LINGO2: variants seen among roughly 807,000 people sequenced by gnomAD.
LINGO2 encodes the protein leucine-rich repeat and immunoglobulin-like domain-containing nogo receptor-interacting protein 2.
A neutral mutation model predicts 30.6 loss-of-function variants in LINGO2; 14 were observed. The observed-to-expected ratio is 0.46, with a 90% CI of 0.30 to 0.72. LINGO2 has a LOEUF of 0.72. LINGO2 is among the 30% of genes least tolerant of loss of function. The probability of loss-of-function intolerance (pLI) is 0.07; values close to 1 mark genes in which losing one functional copy is unlikely to be tolerated. For missense variants in LINGO2, 729 were observed against 751.7 expected (o/e 0.97, Z 0.35); for synonymous variants, 317 against 288.5 (o/e 1.10, Z -1.00).
intron 1 of LINGO2, among the ~76,000 whole-genome samples, chr9:28,498,326 A>T (rs1819740912): frequency 1.3e-5 from 2 of 152,104 alleles, no homozygotes; most frequent in African/African-American, 4.8e-5. Context: ...CTTCCTGGCC[A>T]CTTTGTTTAC....
rs72709324 is a variant in LINGO2, at chr9:28,239,878, G to T, written c.-87+55330C>A. Among the ~76,000 whole-genome samples the T allele has an allele frequency of 7.7e-3, 1,168 of 152,078 alleles. 7 individuals are homozygous for T. The highest frequency in any genetic ancestry group is 0.027 in the Middle Eastern group (8 of 294). ...TGCAGATGATATGATCTTATACTTG[G>T]AAAAACCAAAAGATTCTACAAGAAA... On this transcript the variant is annotated intron_variant, in intron 4 of 5. Transcript: ENST00000379992.
chr9:29,102,255 G>C, the LINGO2 span, among the ~76,000 whole-genome samples: 998 of 151,998 alleles, frequency 6.6e-3, 17 homozygotes, highest in African/African-American at 0.023. Context: ...CTAATTTTTT[G>C]TATTTTTAGT....
the LINGO2 span, among the ~76,000 whole-genome samples, chr9:28,993,798 C>T: frequency 1.3e-5 from 2 of 151,748 alleles, no homozygotes; most frequent in East Asian, 3.9e-4. Context: ...GCAAAAAAGG[C>T]CTTGGAGAAA....
chr9:28,041,495 T>C (rs1050953460), intron 4 of LINGO2, among the ~76,000 whole-genome samples: 6 of 152,166 alleles, frequency 3.9e-5, no homozygotes, highest in Non-Finnish European at 8.8e-5. Context: ...TATGTGTGCG[T>C]GTGTAGTTAA....
chr9:28,599,759 A>G (rs1340253842), intron 1 of LINGO2, among the ~76,000 whole-genome samples: 1 of 152,182 alleles, frequency 6.6e-6, no homozygotes, highest in Non-Finnish European at 1.5e-5. Context: ...ATAAAAATGT[A>G]TACTCAACTG....
At chr9:28,951,477 C>A in the LINGO2 span, among the ~76,000 whole-genome samples, 5 of 152,084 alleles carry the variant, frequency 3.3e-5, no homozygotes, top group African/African-American at 4.8e-5. Context: ...AATCATCCTG[C>A]ACCCTGTCAG....
At chr9:28,580,065 C>A (rs2135644758) in intron 1 of LINGO2, among the ~76,000 whole-genome samples, 1 of 152,128 alleles carries the variant, frequency 6.6e-6, no homozygotes, top group East Asian at 1.9e-4. Flanking sequence ...ATTGCTATAG[C>A]AAAAGAAGCA....
chr9:28,406,452 C>T (rs1175933253), intron 2 of LINGO2, among the ~76,000 whole-genome samples: 1 of 152,136 alleles, frequency 6.6e-6, no homozygotes, highest in Non-Finnish European at 1.5e-5. Flanking sequence ...TTGCTACTAC[C>T]TGTCAATCTT....
At position 27,992,101 on chromosome 9, in the gene LINGO2, T is replaced by C. The variant is rs1821426358; in HGVS notation, c.-36+20254A>G. ...CAGGTGTTAATGACAAAGGTGTTAA[T>C]GACAACACTGCAGGCTGTGGCCCCC... On this transcript the variant is annotated intron_variant, in intron 5 of 5. Coordinates refer to ENST00000379992, the Ensembl canonical transcript of LINGO2. 2.0e-5 allele frequency among the ~76,000 whole-genome samples: 3 copies of C among 152,096 alleles called. No homozygotes were observed. The South Asian group carries it at 6.2e-4, about 32-fold the overall frequency.
At chr9:28,258,843 G>C (rs1331077584) in intron 4 of LINGO2, among the ~76,000 whole-genome samples, 1 of 151,588 alleles carries the variant, frequency 6.6e-6, no homozygotes, top group Non-Finnish European at 1.5e-5. Flanking sequence ...AAGAGGAATT[G>C]CTTTTTCTTC....
chr9:28,429,479 T>A (rs966882404), intron 2 of LINGO2, among the ~76,000 whole-genome samples: 9 of 152,154 alleles, frequency 5.9e-5, no homozygotes, highest in Non-Finnish European at 1.3e-4. Context: ...GTCCATTTCC[T>A]CTTAGCCACT....
chr9:28,870,619 C>A, the LINGO2 span, among the ~76,000 whole-genome samples: 1 of 151,984 alleles, frequency 6.6e-6, no homozygotes, highest in Non-Finnish European at 1.5e-5. Context: ...CCTTAGTCAT[C>A]TGGAACAGAA....
At chr9:28,817,294 G>C in the LINGO2 span, among the ~76,000 whole-genome samples, 2 of 152,152 alleles carry the variant, frequency 1.3e-5, no homozygotes, top group African/African-American at 4.8e-5. Flanking sequence ...GAATGATTTG[G>C]TTGCAAGTAA....
chr9:28,979,841 G>C, the LINGO2 span, among the ~76,000 whole-genome samples: 1 of 151,952 alleles, frequency 6.6e-6, no homozygotes, highest in African/African-American at 2.4e-5. Context: ...TTTGATATTT[G>C]ACTGTCACAT....
At chr9:28,142,926 C>T (rs1827714042) in intron 4 of LINGO2, among the ~76,000 whole-genome samples, 1 of 152,140 alleles carries the variant, frequency 6.6e-6, no homozygotes, top group African/African-American at 2.4e-5. Flanking sequence ...AGTCAATTCT[C>T]ATTATAAATC....
intron 2 of LINGO2, among the ~76,000 whole-genome samples, chr9:28,467,577 C>T (rs1467288504): frequency 6.6e-6 from 1 of 152,154 alleles, no homozygotes; most frequent in Non-Finnish European, 1.5e-5. Context: ...GCTTATAACA[C>T]TGTTGCTTGT....
At chr9:28,193,701 G>A (rs954400330) in intron 4 of LINGO2, among the ~76,000 whole-genome samples, 5 of 152,184 alleles carry the variant, frequency 3.3e-5, no homozygotes, top group Non-Finnish European at 5.9e-5. Flanking sequence ...CAACAGTGGC[G>A]TTAGTATCTC....
At chr9:28,459,985 C>T (rs1825012870) in intron 2 of LINGO2, among the ~76,000 whole-genome samples, 2 of 152,038 alleles carry the variant, frequency 1.3e-5, no homozygotes, top group African/African-American at 4.8e-5. Context: ...CATGTTTTTT[C>T]ATAAACTGAA....
intron 4 of LINGO2, among the ~76,000 whole-genome samples, chr9:28,079,034 C>A (rs956402615): frequency 6.7e-6 from 1 of 148,466 alleles, no homozygotes; most frequent in East Asian, 1.9e-4. Flanking sequence ...CACGAGGGAG[C>A]TCCCTGGTAA....
Sources: gnomAD v4.1 joint callset for allele counts (sites outside exome capture counted in the v4.1 genomes callset) on GRCh38, gnomAD v4.1.1 for gene constraint, MANE v1.5 for transcripts, NCBI Gene and HGNC (gene_info 2026-07-23, HGNC 2026-07-21) for gene names.